Variants in CCBE1 observed in about 807,000 individuals in gnomAD.
CCBE1 encodes the protein collagen and calcium-binding EGF domain-containing protein 1.
CCBE1 carries 37 observed loss-of-function variants against 50.0 expected under a neutral mutation model. The ratio of observed to expected loss-of-function variants is 0.74; its 90% CI spans 0.57 to 0.97. The LOEUF (loss-of-function observed/expected upper bound fraction) is 0.97, where lower values mean the gene tolerates loss of function less well. Ranked by LOEUF, CCBE1 falls within the 50% of genes least tolerant of loss-of-function variation. CCBE1 has a pLI of 0.00. For missense variants in CCBE1, 538 were observed against 523.8 expected, an observed-to-expected ratio of 1.03 and a Z score of -0.26; for synonymous variants, 234 against 203.7, an observed-to-expected ratio of 1.15 and a Z score of -1.27.
intron 5 of CCBE1, among the ~76,000 whole-genome samples, chr18:59,455,486 C>A (rs553695107): frequency 1.3e-5 from 2 of 152,188 alleles, no homozygotes; most frequent in African/African-American, 4.8e-5. Context: ...GCCACTCCAT[C>A]TGGGGCCATT....
At chr18:59,495,424 C>G (rs1913307164) in intron 2 of CCBE1, among the ~76,000 whole-genome samples, 1 of 127,752 alleles carries the variant, frequency 7.8e-6, no homozygotes, top group South Asian at 2.7e-4. Context: ...GAGCGGGAAA[C>G]AGAGGTTCAA....
chr18:59,589,891 G>A (rs952009059), intron 2 of CCBE1, among the ~76,000 whole-genome samples: 8 of 151,158 alleles, frequency 5.3e-5, no homozygotes, highest in Non-Finnish European at 7.4e-5. Context: ...AGTAGGAAAC[G>A]TATCAATATA....
intron 2 of CCBE1, among the ~76,000 whole-genome samples, chr18:59,504,466 TTTAAA>T (rs1471967306): frequency 1.3e-5 from 2 of 152,242 alleles, no homozygotes; most frequent in East Asian, 1.9e-4. Context: ...TCCTTATTTG[TTTAAA>T]TTAAGAGCTT....
chr18:59,537,288 CAT>C (rs1915289223), intron 2 of CCBE1, among the ~76,000 whole-genome samples: 1 of 152,128 alleles, frequency 6.6e-6, no homozygotes, highest in Non-Finnish European at 1.5e-5. Flanking sequence ...AGCAAGGTGA[CAT>C]ATACTCAAAG....
chr18:59,555,846 C>T (rs994041748), intron 2 of CCBE1, among the ~76,000 whole-genome samples: 1 of 152,182 alleles, frequency 6.6e-6, no homozygotes, highest in African/African-American at 2.4e-5. Flanking sequence ...ACAGTTGAAA[C>T]ATCCTGAAGA....
intron 2 of CCBE1, among the ~76,000 whole-genome samples, chr18:59,577,656 C>T (rs1038347861): frequency 6.6e-6 from 1 of 152,204 alleles, no homozygotes; most frequent in African/African-American, 2.4e-5. Flanking sequence ...TAGGCACACA[C>T]CCCATGTGTG....
At chr18:59,441,583 A>G (rs1301809678) in intron 7 of CCBE1, among the ~76,000 whole-genome samples, 2 of 152,182 alleles carry the variant, frequency 1.3e-5, no homozygotes, top group African/African-American at 2.4e-5. Flanking sequence ...GAATAATGAG[A>G]TATGGGCTTT....
chr18:59,591,788 C>T (rs2053273655), intron 2 of CCBE1, among the ~76,000 whole-genome samples: 1 of 152,226 alleles, frequency 6.6e-6, no homozygotes, highest in Admixed American at 6.5e-5. Flanking sequence ...CTCTTGACCC[C>T]AGCAGTCTCG....
rs530407468 is a variant in CCBE1 at position 59,543,269 on chromosome 18, C to G, written c.213-63031G>C. ...CCGCACCATACCTGAAGAAATCCTGCTAACGAATCTAGAATTCTGTGCCAG... is the reference window on the plus strand; with the variant it reads ...CCGCACCATACCTGAAGAAATCCTGGTAACGAATCTAGAATTCTGTGCCAG... On this transcript the variant is annotated intron_variant, in intron 2 of 10. Transcript: ENST00000439986. Among the ~76,000 whole-genome samples the G allele has an allele frequency of 5.9e-5, 9 of 152,302 alleles. No homozygotes were observed. In the East Asian group the frequency reaches 1.7e-3, roughly 29 times the overall value.
chr18:59,561,753 T>C (rs556145720), intron 2 of CCBE1, among the ~76,000 whole-genome samples: 8 of 152,246 alleles, frequency 5.3e-5, no homozygotes, highest in African/African-American at 1.7e-4. Flanking sequence ...GGCTTGCTCA[T>C]GCCCAGAGAA....
chr18:59,577,838 G>T (rs1402753325), intron 2 of CCBE1, among the ~76,000 whole-genome samples: 1 of 152,102 alleles, frequency 6.6e-6, no homozygotes, highest in Non-Finnish European at 1.5e-5. Context: ...TTTTTCATAA[G>T]GCCCAAAACC....
At chr18:59,520,585 G>A (rs1914555259) in intron 2 of CCBE1, among the ~76,000 whole-genome samples, 2 of 152,238 alleles carry the variant, frequency 1.3e-5, no homozygotes, top group Admixed American at 1.3e-4. Context: ...AAAAGGAAAC[G>A]TGTTGCAGTT....
chr18:59,476,837 T>G (rs608312), intron 3 of CCBE1, among the ~76,000 whole-genome samples: 131,110 of 152,216 alleles, frequency 0.86, 56,545 homozygotes, highest in East Asian at 0.96. Context: ...GGATATATAT[T>G]CTCTGAATCA....
intron 2 of CCBE1, among the ~76,000 whole-genome samples, chr18:59,612,419 C>T (rs551984187): frequency 6.6e-6 from 1 of 151,958 alleles, no homozygotes; most frequent in African/African-American, 2.4e-5. Flanking sequence ...CTCCTGTCTT[C>T]CCCAAGGCAG....
intron 5 of CCBE1, among the ~76,000 whole-genome samples, chr18:59,466,121 C>A (rs568904714): frequency 6.6e-6 from 1 of 151,970 alleles, no homozygotes; most frequent in Non-Finnish European, 1.5e-5. Context: ...ATATATATTA[C>A]ATATAACTAC....
intron 2 of CCBE1, among the ~76,000 whole-genome samples, chr18:59,638,090 AC>A: frequency 6.6e-6 from 1 of 152,246 alleles, no homozygotes; most frequent in Admixed American, 6.5e-5. Flanking sequence ...ACTGTTTCTC[AC>A]CATGTACAAG....
intron 2 of CCBE1, among the ~76,000 whole-genome samples, chr18:59,521,276 A>G (rs1385288322): frequency 6.6e-6 from 1 of 152,232 alleles, no homozygotes; most frequent in African/African-American, 2.4e-5. Context: ...ATTTATCACA[A>G]CAGATTTTGG....
Position 59,533,863 on chromosome 18 carries a change from G to A in CCBE1, c.213-53625C>T, listed in dbSNP as rs184842754. Among the ~76,000 whole-genome samples, 508 of 152,304 alleles carry A rather than the reference G, an allele frequency of 3.3e-3. 2 individuals carry two copies. The highest frequency in any genetic ancestry group is 0.017 in the Middle Eastern group (5 of 294). On this transcript the variant is annotated intron_variant, in intron 2 of 10. Coordinates refer to ENST00000439986, the MANE Select transcript of CCBE1 (RefSeq NM_133459.4). The stretch of plus-strand genomic sequence containing the variant: ...GTGCATATAATTTATATATTCATAT[G>A]TATACAATATGCGTGAAAACACATT...
intron 2 of CCBE1, among the ~76,000 whole-genome samples, chr18:59,514,333 C>G (rs1050856236): frequency 6.6e-6 from 1 of 151,832 alleles, no homozygotes; most frequent in African/African-American, 2.4e-5. Context: ...CTTGGTAGCG[C>G]CCCTGACACG....
Sources: allele counts gnomAD v4.1 joint callset (sites outside exome capture counted in the v4.1 genomes callset), GRCh38; gene constraint gnomAD v4.1.1; transcripts MANE v1.5; gene names NCBI Gene and HGNC (gene_info 2026-07-23, HGNC 2026-07-21).